ARSG: variants seen among roughly 807,000 people sequenced by gnomAD.
The protein encoded by ARSG is ASG.
In ARSG, 37 loss-of-function variants were observed where a neutral mutation model predicts 50.5. That is an observed-to-expected ratio of 0.73 (90% CI 0.56 to 0.96). The LOEUF (loss-of-function observed/expected upper bound fraction) is 0.96. Ranked by LOEUF, ARSG falls within the 50% of genes least tolerant of loss-of-function variation. The probability of loss-of-function intolerance (pLI) is 0.00; values close to 1 mark genes in which losing one functional copy is unlikely to be tolerated. For missense variants in ARSG, 629 were observed against 675.3 expected (o/e 0.93, Z 0.76); for synonymous variants, 225 against 254.6 (o/e 0.88, Z 1.11).
chr17:68,438,238 G>A, the ARSG span, among the ~76,000 whole-genome samples: 27 of 127,088 alleles, frequency 2.1e-4, 1 homozygote, highest in East Asian at 5.9e-4. Context: ...TTAACTGCAC[G>A]TTCTGGCAGC....
chr17:68,325,509 A>G lies in ARSG; in HGVS notation c.218+17798A>G, dbSNP rs957159806. On this transcript the variant is annotated intron_variant, in intron 2 of 11. Transcript: ENST00000621439. ...ATCCCTCCCAACCCCTGTCTGTGGA[A>G]AAACTGTCTTCCATGAAACTGGTCC... Among the ~76,000 whole-genome samples the G allele has an allele frequency of 2.0e-5, 3 of 152,224 alleles. No individual in the cohort carries two copies. The East Asian group carries it at 5.8e-4, about 29-fold the overall frequency.
chr17:68,405,285 T>C (rs578101460), intron 11 of ARSG, among the ~76,000 whole-genome samples: 16 of 152,298 alleles, frequency 1.1e-4, no homozygotes, highest in Non-Finnish European at 1.8e-4. Context: ...TGGGGTAGTA[T>C]TGACATTTTA....
intron 6 of ARSG, among the ~76,000 whole-genome samples, chr17:68,364,444 G>A (rs1335702881): frequency 6.6e-6 from 1 of 152,100 alleles, no homozygotes; most frequent in African/African-American, 2.4e-5. Flanking sequence ...CACAATCTGG[G>A]CTCACTGCAA....
chr17:68,449,141 C>G, the ARSG span, among the ~76,000 whole-genome samples: 2 of 152,134 alleles, frequency 1.3e-5, no homozygotes, highest in Admixed American at 6.6e-5. Context: ...AAACATTGTC[C>G]TCAATGAATG....
chr17:68,422,728 T>A (rs1600230299), downstream of ARSG: 1 of 68,596 alleles, frequency 1.5e-5, no homozygotes, highest in Non-Finnish European at 2.6e-5. Flanking sequence ...GACTCTATCA[T>A]CTCAAAAAAA....
At chr17:68,429,899 TTTC>T in the ARSG span, 104 of 1,572,584 alleles carry the variant, frequency 6.6e-5, 1 homozygote, top group Non-Finnish European at 5.4e-5. Context: ...TGGGGCAAGT[TTTC>T]TTTTTTTCTT....
chr17:68,362,404 C>A (rs1403067941), intron 6 of ARSG, among the ~76,000 whole-genome samples: 1 of 152,076 alleles, frequency 6.6e-6, no homozygotes, highest in Non-Finnish European at 1.5e-5. Context: ...GCGAGGCAAT[C>A]ATATCGAACG....
chr17:68,380,718 G>A (rs1462687385), intron 8 of ARSG, among the ~76,000 whole-genome samples: 1 of 152,168 alleles, frequency 6.6e-6, no homozygotes. Context: ...TAGTAGTTAA[G>A]TTTTGGGAGA....
chr17:68,352,833 T>G (rs185298286), intron 5 of ARSG, among the ~76,000 whole-genome samples: 1 of 152,176 alleles, frequency 6.6e-6, no homozygotes, highest in East Asian at 1.9e-4. Context: ...CACTTTCTCT[T>G]TATTTTCCTC....
chr17:68,299,320 G>T (rs1002123616), intron 1 of ARSG, among the ~76,000 whole-genome samples: 5 of 151,958 alleles, frequency 3.3e-5, no homozygotes, highest in African/African-American at 1.2e-4. Context: ...GACCAGGCTG[G>T]TCTCGAACTC....
chr17:68,319,526 A>G (rs1599703246), intron 2 of ARSG, among the ~76,000 whole-genome samples: 1 of 152,362 alleles, frequency 6.6e-6, no homozygotes, highest in South Asian at 2.1e-4. Flanking sequence ...CCAATCTTAG[A>G]GAAAAGAAAA....
intron 2 of ARSG, among the ~76,000 whole-genome samples, chr17:68,321,339 T>C (rs2077275091): frequency 6.6e-6 from 1 of 152,166 alleles, no homozygotes; most frequent in African/African-American, 2.4e-5. Context: ...TTGACAACCT[T>C]CTGAGGAATA....
chr17:68,322,487 C>T (rs1191315469), intron 2 of ARSG, among the ~76,000 whole-genome samples: 1 of 152,020 alleles, frequency 6.6e-6, no homozygotes, highest in Non-Finnish European at 1.5e-5. Context: ...CATGGTGTTG[C>T]GTGCCTGTAG....
chr17:68,322,478 A>G (rs561278677), intron 2 of ARSG, among the ~76,000 whole-genome samples: 1 of 152,166 alleles, frequency 6.6e-6, no homozygotes, highest in African/African-American at 2.4e-5. Flanking sequence ...TTAGCTGGGC[A>G]TGGTGTTGCG....
At chr17:68,280,802 AAACAGATTCT>A (rs782264402) in intron 1 of ARSG, among the ~76,000 whole-genome samples, 11 of 152,198 alleles carry the variant, frequency 7.2e-5, no homozygotes, top group Admixed American at 2.0e-4. Context: ...ATATTAAGCT[AAACAGATTCT>A]GCGCAGCAAA....
downstream of ARSG, chr17:68,420,879 G>C: frequency 5.5e-6 from 1 of 183,064 alleles, no homozygotes; most frequent in South Asian, 1.2e-4. Context: ...CAGTTTCTCT[G>C]GTCATTTTGG....
intron 8 of ARSG, 97 bp downstream of exon 8, chr17:68,370,621 G>A: frequency 9.5e-7 from 1 of 1,051,784 alleles, no homozygotes; most frequent in South Asian, 1.4e-5. Flanking sequence ...ACTTATATCT[G>A]GGCCTTAGGG....
At chr17:68,365,823 A>G (rs980073828) in intron 6 of ARSG, among the ~76,000 whole-genome samples, 3 of 152,252 alleles carry the variant, frequency 2.0e-5, no homozygotes, top group African/African-American at 7.2e-5. Context: ...TATTTCCACC[A>G]CACAGATACA....
downstream of ARSG, chr17:68,425,879 C>G: frequency 5.4e-6 from 3 of 556,802 alleles, no homozygotes; most frequent in South Asian, 7.0e-5. Context: ...GGGTTTAGCT[C>G]GACACCTAAA....
Sources: allele counts gnomAD v4.1 joint callset (sites outside exome capture counted in the v4.1 genomes callset), GRCh38; gene constraint gnomAD v4.1.1; transcripts MANE v1.5; gene names NCBI Gene and HGNC (gene_info 2026-07-23, HGNC 2026-07-21).